Variants in ATIC observed in about 807,000 individuals in gnomAD.
ATIC encodes bifunctional purine biosynthesis protein ATIC.
ATIC carries 64 observed loss-of-function variants against 72.5 expected under a neutral mutation model. The ratio of observed to expected loss-of-function variants is 0.88; its 90% CI spans 0.72 to 1.09. The LOEUF (loss-of-function observed/expected upper bound fraction) is 1.09. ATIC is among the 50% of genes least tolerant of loss of function. The pLI, the probability that ATIC is intolerant of heterozygous loss-of-function variation, is 0.00. For synonymous variants in ATIC, 281 were observed against 267.1 expected, an observed-to-expected ratio of 1.05 and a Z score of -0.51; for missense variants, 787 against 732.4, an observed-to-expected ratio of 1.07 and a Z score of -0.86.
At chr2:215,338,444 C>G (rs1266167842) in intron 11 of ATIC, among the ~76,000 whole-genome samples, 1 of 152,092 alleles carries the variant, frequency 6.6e-6, no homozygotes, top group Non-Finnish European at 1.5e-5. Context: ...AGTAACTTAA[C>G]CAAAAATACA....
Position 215,315,265 on chromosome 2 carries a change from T to C in ATIC, c.146+2641T>C, listed in dbSNP as rs113342748. On this transcript the variant is annotated intron_variant, in intron 2 of 15. Coordinates refer to ENST00000236959, the MANE Select transcript of ATIC (RefSeq NM_004044.7). ...TGACTGGCTTTGGGGAAAAAGAGTT[T>C]TAGTTTCTGTAAACTGCCCTGGGGA... Among the ~76,000 whole-genome samples, 799 of 152,360 alleles carry C rather than the reference T, an allele frequency of 5.2e-3. 7 individuals carry two copies. The highest frequency in any genetic ancestry group is 0.018 in the African/African-American group (763 of 41,588).
At chr2:215,336,737 A>G (rs1186194306) in intron 11 of ATIC, among the ~76,000 whole-genome samples, 2 of 152,174 alleles carry the variant, frequency 1.3e-5, no homozygotes, top group African/African-American at 2.4e-5. Flanking sequence ...TTTAGCTACT[A>G]CAAATACCCC....
At chr2:215,317,898 T>C (rs1329851662) in intron 2 of ATIC, among the ~76,000 whole-genome samples, 1 of 152,212 alleles carries the variant, frequency 6.6e-6, no homozygotes. Context: ...CTCTGAAAAT[T>C]ATAAAACCAG....
chr2:215,353,088 G>A (rs2053142776), downstream of ATIC, among the ~76,000 whole-genome samples: 1 of 152,138 alleles, frequency 6.6e-6, no homozygotes, highest in African/African-American at 2.4e-5. Flanking sequence ...ATATATTTGA[G>A]GTTAAAAACA....
the ATIC span, chr2:215,364,756 G>A: frequency 1.4e-6 from 1 of 717,518 alleles, no homozygotes; most frequent in Admixed American, 2.0e-5. Flanking sequence ...TATGCCAACA[G>A]GAAATGTGGT....
rs762375034 is a variant in ATIC at position 215,349,601 on chromosome 2, C to T, written c.1725C>T (p.Cys575=). The change falls in exon 16 of 16, where the codon TGC becomes TGT. Residue 575 remains cysteine, a synonymous_variant. Coordinates refer to ENST00000236959, the MANE Select transcript of ATIC (RefSeq NM_004044.7). The stretch of plus-strand genomic sequence containing the variant: ...CTGACAAAGTTGTGATTGAGGCCTG[C>T]GACGAACTGGGAATCATCCTCGCTC... ...SAADKVVIEA[C]DELGIILAHT... The T allele has an allele frequency of 4.3e-6, 7 of 1,614,144 alleles. No homozygotes were observed. In the Middle Eastern group the frequency reaches 5.0e-4, roughly 114 times the overall value.
downstream of ATIC, among the ~76,000 whole-genome samples, chr2:215,353,662 A>G (rs770115658): frequency 2.0e-5 from 3 of 152,010 alleles, no homozygotes; most frequent in East Asian, 1.9e-4. Context: ...CCCAGGTTCA[A>G]TTGATTCTCC....
chr2:215,363,916 A>G, the ATIC span, among the ~76,000 whole-genome samples: 2 of 152,302 alleles, frequency 1.3e-5, no homozygotes, highest in African/African-American at 4.8e-5. Context: ...CTTCCCATCT[A>G]TTTTCTTACC....
intron 9 of ATIC, among the ~76,000 whole-genome samples, chr2:215,333,817 C>G (rs2052922958): frequency 6.6e-6 from 1 of 151,892 alleles, no homozygotes; most frequent in Admixed American, 6.6e-5. Flanking sequence ...CTGAGGCGGG[C>G]AGATCACGAG....
chr2:215,322,418 C>T (rs2052778295), intron 4 of ATIC, among the ~76,000 whole-genome samples: 1 of 150,806 alleles, frequency 6.6e-6, no homozygotes, highest in South Asian at 2.1e-4. Flanking sequence ...CAACCTTCGC[C>T]TCCTGGGTTC....
At chr2:215,349,494 T>G (rs1392964740) in intron 15 of ATIC, 42 bp from the exon 16 acceptor site, 2 of 1,613,756 alleles carry the variant, frequency 1.2e-6, no homozygotes, top group Non-Finnish European at 1.7e-6. Context: ...TTGCAGGTTT[T>G]TACATAAAAT....
intron 6 of ATIC, 52 bp downstream of exon 6, chr2:215,326,190 T>A (rs748930201): frequency 3.1e-6 from 5 of 1,608,450 alleles, no homozygotes; most frequent in Non-Finnish European, 4.3e-6. Context: ...GTGCAGTGTT[T>A]GCCAGACCAA....
intron 4 of ATIC, among the ~76,000 whole-genome samples, chr2:215,323,821 C>T (rs2052794512): frequency 6.6e-6 from 1 of 152,096 alleles, no homozygotes; most frequent in African/African-American, 2.4e-5. Flanking sequence ...TTGCCCAAGG[C>T]GGAGTGCAGT....
At chr2:215,363,142 T>C in the ATIC span, 4 of 152,332 alleles carry the variant, frequency 2.6e-5, 1 homozygote, top group South Asian at 8.3e-4. Context: ...AATCACTGAA[T>C]CTTGCTTTCA....
intron 9 of ATIC, among the ~76,000 whole-genome samples, chr2:215,334,189 C>CTTT (rs551274501): frequency 0.032 from 3,197 of 100,804 alleles, 264 homozygotes; most frequent in Non-Finnish European, 0.048. Context: ...AAAAGCTATT[C>CTTT]TTTTTTTTTT....
At chr2:215,326,686 T>C (rs866868098) in intron 6 of ATIC, 136 bp from the exon 7 acceptor site, 1 of 1,011,294 alleles carries the variant, frequency 9.9e-7, no homozygotes, top group Admixed American at 1.7e-5. Flanking sequence ...CTGTCATTCA[T>C]GGTGTCATCG....
At chr2:215,326,178 G>C in intron 6 of ATIC, 40 bp downstream of exon 6, 1 of 1,612,646 alleles carries the variant, frequency 6.2e-7, no homozygotes, top group Non-Finnish European at 8.5e-7. Context: ...TACATCCATG[G>C]AGTGCAGTGT....
chr2:215,359,433 G>T, the ATIC span, among the ~76,000 whole-genome samples: 1 of 151,070 alleles, frequency 6.6e-6, no homozygotes, highest in Non-Finnish European at 1.5e-5. Context: ...TCGAGATGAC[G>T]TTCTCTCTCC....
chr2:215,344,202 TA>T (rs1446538859), intron 12 of ATIC, among the ~76,000 whole-genome samples: 5 of 152,222 alleles, frequency 3.3e-5, no homozygotes, highest in African/African-American at 4.8e-5. Flanking sequence ...TCATGTGATA[TA>T]AAAAGGCTTA....
Sources: allele counts gnomAD v4.1 joint callset (sites outside exome capture counted in the v4.1 genomes callset), GRCh38; gene constraint gnomAD v4.1.1; transcripts MANE v1.5; gene names NCBI Gene and HGNC (gene_info 2026-07-23, HGNC 2026-07-21).